Variants in CNIH3 observed in about 807,000 individuals in gnomAD.
The protein encoded by CNIH3 is cornichon family AMPA receptor auxiliary protein 3, also known as protein cornichon homolog 3.
Under a neutral mutation model 24.1 loss-of-function variants are expected in CNIH3, and 14 were observed. That is an observed-to-expected ratio of 0.58 (90% CI 0.38 to 0.91). The LOEUF (loss-of-function observed/expected upper bound fraction) is 0.91, where lower values mean the gene tolerates loss of function less well. Among genes scored for constraint, CNIH3 ranks in the 40% least tolerant of loss-of-function variants. The pLI is 0.00. For missense variants in CNIH3, 178 were observed against 196.8 expected (o/e 0.90, Z 0.57); for synonymous variants, 68 against 73.8 (o/e 0.92, Z 0.40).
downstream of CNIH3, among the ~76,000 whole-genome samples, chr1:224,542,522 C>A (rs1309894867): frequency 6.6e-6 from 1 of 152,196 alleles, no homozygotes; most frequent in South Asian, 2.1e-4. Flanking sequence ...GAAACTATGG[C>A]AGCCTCATGG....
rs554012311 is a variant in CNIH3 at position 224,679,057 on chromosome 1, G to GAATTTTAAT, written c.82-1899_82-1891dup. Among the ~76,000 whole-genome samples, 8 of 152,076 alleles carry GAATTTTAAT rather than the reference G, an allele frequency of 5.3e-5. No individual in the cohort carries two copies. The East Asian group carries it at 1.5e-3, about 29-fold the overall frequency. On this transcript the variant is annotated intron_variant, in intron 1 of 5. Coordinates refer to ENST00000272133, the MANE Select transcript of CNIH3 (RefSeq NM_152495.2). ...TAAACCTTTATGGATACTGAAATTT[G>GAATTTTAAT]AATTTTAATATAAGCTTCACATGCC... is the stretch of plus-strand genomic sequence containing the variant.
chr1:224,616,782 T>C lies in CNIH3; in HGVS notation c.-393T>C. 1.9e-6 allele frequency: 2 copies of C among 1,042,658 alleles called. No homozygotes were observed. The highest frequency in any genetic ancestry group is 2.3e-6 in the Non-Finnish European group (2 of 866,950). The allele number at this position is 1,042,658 out of a possible 1,614,324, so 64.6% of individuals were successfully genotyped here. A position where few individuals can be genotyped will look rare whatever the true frequency, so the allele number is the denominator to read the frequency against. ...GTGGAGAAAAGCAGAGAGCTCTTCC[T>C]GGGGCGAATGGGACCTCCTCCCTCG... is the stretch of plus-strand genomic sequence containing the variant. On this transcript the variant is annotated 5_prime_UTR_variant, in exon 1 of 6. Coordinates refer to ENST00000272133, the MANE Select transcript of CNIH3 (RefSeq NM_152495.2).
chr1:224,671,275 G>A (rs3012186), intron 1 of CNIH3, among the ~76,000 whole-genome samples: 7,701 of 152,254 alleles, frequency 0.051, 493 homozygotes, highest in African/African-American at 0.15. Context: ...AAGACTCTGG[G>A]CCTCTCCAAC....
chr1:224,544,171 T>C (rs940669298), intron 2 of CNIH3, among the ~76,000 whole-genome samples: 2 of 152,220 alleles, frequency 1.3e-5, no homozygotes, highest in Non-Finnish European at 2.9e-5. Flanking sequence ...TTCTGTGAAC[T>C]CACCAGTGCA....
At position 224,485,639 on chromosome 1, in the gene CNIH3, G is replaced by T. The variant is rs188054480; in HGVS notation, n.204-30102G>T. 7.3e-4 allele frequency among the ~76,000 whole-genome samples: 111 copies of T among 152,152 alleles called. 1 individual carries two copies. The highest frequency in any genetic ancestry group is 2.6e-3 in the African/African-American group (106 of 41,494). The stretch of plus-strand genomic sequence containing the variant: ...TCCCAAGTAGCTGGGACCACAGATG[G>T]TGCCACAATGCCTGGCTAATTTAAA... On this transcript the variant is annotated intron_variant and non_coding_transcript_variant, in intron 1 of 5. Coordinates refer to the CNIH3 transcript ENST00000471578.
chr1:224,700,271 C>A (rs1424873490), intron 3 of CNIH3, among the ~76,000 whole-genome samples: 1 of 152,186 alleles, frequency 6.6e-6, no homozygotes, highest in East Asian at 1.9e-4. Flanking sequence ...TAATAGGGCC[C>A]ACCCTAATGA....
intron 1 of CNIH3, among the ~76,000 whole-genome samples, chr1:224,519,581 A>C (rs1678539967): frequency 6.6e-6 from 1 of 150,710 alleles, no homozygotes; most frequent in Admixed American, 6.6e-5. Flanking sequence ...GTGTACATAT[A>C]TACATGTTAT....
chr1:224,646,908 A>G (rs1305988627), intron 1 of CNIH3, among the ~76,000 whole-genome samples: 1 of 152,180 alleles, frequency 6.6e-6, no homozygotes, highest in Non-Finnish European at 1.5e-5. Flanking sequence ...CCCATATAGC[A>G]TGTGGCCTCA....
chr1:224,734,141 C>A (rs901011921), intron 4 of CNIH3, among the ~76,000 whole-genome samples: 1 of 152,164 alleles, frequency 6.6e-6, no homozygotes, highest in South Asian at 2.1e-4. Context: ...TAGGATGTCC[C>A]GAAGTATTCA....
chr1:224,716,067 A>G (rs1688412575), intron 3 of CNIH3, among the ~76,000 whole-genome samples: 1 of 152,122 alleles, frequency 6.6e-6, no homozygotes, highest in Non-Finnish European at 1.5e-5. Context: ...CTCTCATCCA[A>G]TCAATTACTA....
chr1:224,487,003 A>G (rs1317201192), intron 1 of CNIH3, among the ~76,000 whole-genome samples: 1 of 152,224 alleles, frequency 6.6e-6, no homozygotes, highest in East Asian at 1.9e-4. Context: ...ATCTATAACC[A>G]AACTCATAAA....
upstream of CNIH3, among the ~76,000 whole-genome samples, chr1:224,611,764 A>G (rs74149623): frequency 0.028 from 4,301 of 152,228 alleles, 214 homozygotes; most frequent in African/African-American, 0.098. Context: ...CCCAATCACC[A>G]TCTCCCTTGC....
chr1:224,621,167 C>T (rs934567865), intron 1 of CNIH3, among the ~76,000 whole-genome samples: 1 of 152,226 alleles, frequency 6.6e-6, no homozygotes, highest in Non-Finnish European at 1.5e-5. Flanking sequence ...GATGCACCAT[C>T]TCACCTTGAA....
intron 3 of CNIH3, among the ~76,000 whole-genome samples, chr1:224,563,091 A>G (rs567527452): frequency 6.6e-6 from 1 of 152,322 alleles, no homozygotes; most frequent in South Asian, 2.1e-4. Flanking sequence ...TATAGGATAT[A>G]CACATGAAAA....
downstream of CNIH3, among the ~76,000 whole-genome samples, chr1:224,542,524 G>C (rs529110513): frequency 7.2e-5 from 11 of 152,326 alleles, no homozygotes; most frequent in South Asian, 2.3e-3. Context: ...AACTATGGCA[G>C]CCTCATGGTA....
chr1:224,460,099 A>G (rs944846131), intron 1 of CNIH3, among the ~76,000 whole-genome samples: 2 of 151,148 alleles, frequency 1.3e-5, no homozygotes, highest in Non-Finnish European at 2.9e-5. Context: ...CTGCTCTCGA[A>G]CTCCTGAGCT....
At chr1:224,687,935 C>T (rs919357421) in intron 3 of CNIH3, among the ~76,000 whole-genome samples, 3 of 152,166 alleles carry the variant, frequency 2.0e-5, no homozygotes, top group African/African-American at 7.2e-5. Context: ...AAACTTCATT[C>T]TTGTACTAAG....
chr1:224,479,044 G>A (rs998739354), intron 1 of CNIH3, among the ~76,000 whole-genome samples: 2 of 151,904 alleles, frequency 1.3e-5, no homozygotes, highest in African/African-American at 4.8e-5. Flanking sequence ...ATTTTGGTGG[G>A]GACACAGCCA....
chr1:224,452,203 G>T (rs1156690374), intron 1 of CNIH3, among the ~76,000 whole-genome samples: 1 of 147,672 alleles, frequency 6.8e-6, no homozygotes, highest in Non-Finnish European at 1.5e-5. Context: ...AGGCTGGTGT[G>T]CGGTGGCGCG....
Sources: gnomAD v4.1 joint callset for allele counts (sites outside exome capture counted in the v4.1 genomes callset) on GRCh38, gnomAD v4.1.1 for gene constraint, MANE v1.5 for transcripts, NCBI Gene and HGNC (gene_info 2026-07-23, HGNC 2026-07-21) for gene names.